CENPW: variants seen among roughly 807,000 people sequenced by gnomAD.
CENPW encodes centromere protein W, also known as cancer-up-regulated gene 2 protein.
In CENPW, 3 loss-of-function variants were observed where a neutral mutation model predicts 11.1. The ratio of observed to expected loss-of-function variants is 0.27; its 90% CI spans 0.12 to 0.70. The LOEUF is 0.70. Ranked by LOEUF, CENPW falls within the 30% of genes least tolerant of loss-of-function variation. The probability of loss-of-function intolerance (pLI) is 0.77; values close to 1 mark genes in which losing one functional copy is unlikely to be tolerated. For missense variants in CENPW, 100 were observed against 105.6 expected, an observed-to-expected ratio of 0.95 and a Z score of 0.23; for synonymous variants, 38 against 42.0, an observed-to-expected ratio of 0.91 and a Z score of 0.37.
chr6:126,399,275 G>T, the CENPW span, among the ~76,000 whole-genome samples: 2 of 152,004 alleles, frequency 1.3e-5, no homozygotes, highest in South Asian at 4.1e-4. Flanking sequence ...CATCAACAGG[G>T]TATATTATTT....
chr6:126,443,754 A>G, the CENPW span, among the ~76,000 whole-genome samples: 1 of 151,174 alleles, frequency 6.6e-6, no homozygotes, highest in Non-Finnish European at 1.5e-5. Flanking sequence ...CTATAGGTAA[A>G]TAAGAATTTA....
the CENPW span, among the ~76,000 whole-genome samples, chr6:126,382,574 A>G: frequency 1.3e-5 from 2 of 152,196 alleles, no homozygotes; most frequent in Admixed American, 1.3e-4. Flanking sequence ...ACAGAAAAAA[A>G]TAGCCAGTAT....
At chr6:126,419,446 A>T in the CENPW span, among the ~76,000 whole-genome samples, 1 of 152,230 alleles carries the variant, frequency 6.6e-6, no homozygotes, top group South Asian at 2.1e-4. Flanking sequence ...CTAAGAATAT[A>T]AACAGTGAGT....
the CENPW span, among the ~76,000 whole-genome samples, chr6:126,472,901 C>G: frequency 3.3e-5 from 5 of 152,096 alleles, no homozygotes; most frequent in Non-Finnish European, 7.4e-5. Context: ...TTAAAAAAGT[C>G]AACCAAAGAT....
chr6:126,380,830 T>C, the CENPW span, among the ~76,000 whole-genome samples: 73 of 152,304 alleles, frequency 4.8e-4, no homozygotes, highest in African/African-American at 1.7e-3. Context: ...TTTCCTGAAA[T>C]AATAACAATG....
chr6:126,422,015 T>A, the CENPW span, among the ~76,000 whole-genome samples: 1 of 152,106 alleles, frequency 6.6e-6, no homozygotes, highest in Non-Finnish European at 1.5e-5. Flanking sequence ...GGACAGTACC[T>A]ATATTTGAAA....
At chr6:126,359,249 A>G in the CENPW span, among the ~76,000 whole-genome samples, 1 of 152,048 alleles carries the variant, frequency 6.6e-6, no homozygotes, top group East Asian at 1.9e-4. Flanking sequence ...CTTGATATTG[A>G]TGTCTATTTT....
chr6:126,366,323 A>G, the CENPW span, among the ~76,000 whole-genome samples: 2 of 152,166 alleles, frequency 1.3e-5, no homozygotes, highest in East Asian at 1.9e-4. Context: ...TGTTTAGTGA[A>G]ATAGAGGCAG....
the CENPW span, among the ~76,000 whole-genome samples, chr6:126,457,961 T>C: frequency 6.6e-6 from 1 of 151,364 alleles, no homozygotes; most frequent in African/African-American, 2.4e-5. Context: ...TCTCTGTTTA[T>C]CACCATCATC....
downstream of CENPW, among the ~76,000 whole-genome samples, chr6:126,353,210 ATTTCCCTATGGGATC>A (rs1426254881): frequency 1.8e-4 from 26 of 142,340 alleles, no homozygotes; most frequent in African/African-American, 6.5e-4. Context: ...ACAATTTTAT[ATTTCCCTATGGGATC>A]TTTTTTTTTT....
intron 1 of CENPW, among the ~76,000 whole-genome samples, chr6:126,345,714 CTT>C (rs538208909): frequency 2.9e-4 from 44 of 152,046 alleles, no homozygotes; most frequent in African/African-American, 1.0e-3. Flanking sequence ...ATTTAGCAAA[CTT>C]AAACAATTTC....
the CENPW span, among the ~76,000 whole-genome samples, chr6:126,403,651 AAGTAC>A: frequency 6.6e-6 from 1 of 152,052 alleles, no homozygotes; most frequent in Non-Finnish European, 1.5e-5. Context: ...TGTAACATAA[AAGTAC>A]AAGATGAAAC....
At chr6:126,451,155 A>C in the CENPW span, among the ~76,000 whole-genome samples, 3 of 151,108 alleles carry the variant, frequency 2.0e-5, no homozygotes, top group South Asian at 6.2e-4. Context: ...AAATATTAGA[A>C]ATTTTTCTAC....
the CENPW span, among the ~76,000 whole-genome samples, chr6:126,372,835 A>G: frequency 6.6e-6 from 1 of 152,200 alleles, no homozygotes; most frequent in Non-Finnish European, 1.5e-5. Context: ...CAATCATTTC[A>G]TTGCTACTCA....
chr6:126,477,852 T>C, the CENPW span, among the ~76,000 whole-genome samples: 1 of 152,064 alleles, frequency 6.6e-6, no homozygotes, highest in Non-Finnish European at 1.5e-5. Flanking sequence ...TCCTGTCTAG[T>C]GTTGTTTTCA....
the CENPW span, among the ~76,000 whole-genome samples, chr6:126,456,654 A>G: frequency 6.6e-6 from 1 of 151,658 alleles, no homozygotes; most frequent in Non-Finnish European, 1.5e-5. Flanking sequence ...CAAAGATTTC[A>G]TGATGAAGAC....
the CENPW span, among the ~76,000 whole-genome samples, chr6:126,400,510 G>T: frequency 6.6e-6 from 1 of 151,932 alleles, no homozygotes; most frequent in Non-Finnish European, 1.5e-5. Context: ...TCAGTGAAGT[G>T]ACATCACATT....
the CENPW span, among the ~76,000 whole-genome samples, chr6:126,441,210 G>A: frequency 6.6e-6 from 1 of 151,370 alleles, no homozygotes; most frequent in Non-Finnish European, 1.5e-5. Flanking sequence ...AACGATCTAA[G>A]TTTCTGGTAA....
At chr6:126,361,155 T>C in the CENPW span, among the ~76,000 whole-genome samples, 1 of 152,342 alleles carries the variant, frequency 6.6e-6, no homozygotes, top group South Asian at 2.1e-4. Context: ...TGAATTCTTA[T>C]ACTTGTTTTC....
Sources: allele counts gnomAD v4.1 joint callset (sites outside exome capture counted in the v4.1 genomes callset), GRCh38; gene constraint gnomAD v4.1.1; transcripts MANE v1.5; gene names NCBI Gene and HGNC (gene_info 2026-07-23, HGNC 2026-07-21).